Variants in DYSF observed in about 807,000 individuals in gnomAD.
The protein encoded by DYSF is dystrophy-associated fer-1-like 1.
A neutral mutation model predicts 274.9 loss-of-function variants in DYSF; 212 were observed. The ratio of observed to expected loss-of-function variants is 0.77; its 90% CI spans 0.69 to 0.86. DYSF has a LOEUF of 0.86. DYSF is among the 40% of genes least tolerant of loss of function. The pLI is 0.00. For missense variants in DYSF, 2,666 were observed against 2,783.2 expected, an observed-to-expected ratio of 0.96 and a Z score of 0.95; for synonymous variants, 1,091 against 1,078.7, an observed-to-expected ratio of 1.01 and a Z score of -0.22.
At chr2:71,639,871 A>G (rs1042806669) in intron 41 of DYSF, among the ~76,000 whole-genome samples, 11 of 152,240 alleles carry the variant, frequency 7.2e-5, no homozygotes, top group African/African-American at 2.7e-4. Flanking sequence ...CTCTTGGCCA[A>G]GAAGCTAACC....
chr2:71,626,399 T>A (rs1221468205), intron 41 of DYSF, among the ~76,000 whole-genome samples: 1 of 150,502 alleles, frequency 6.6e-6, no homozygotes, highest in Admixed American at 6.6e-5. Context: ...AACCTGTTAA[T>A]GTAGTGAATT....
At chr2:71,600,177 G>A (rs188902776) in intron 33 of DYSF, among the ~76,000 whole-genome samples, 119 of 152,344 alleles carry the variant, frequency 7.8e-4, no homozygotes, top group African/African-American at 2.7e-3. Context: ...GCGGCAGGGA[G>A]TTAAGGAAAG....
rs754784694 is a variant in DYSF at position 71,513,332 on chromosome 2, G to A, written c.553G>A (p.Asp185Asn). Residue 185 changes from aspartate to asparagine, a missense_variant and splice_region_variant, in exon 6 of 56, where the codon GAC (aspartate) becomes AAC (asparagine). By Grantham distance (23) the Asp-to-Asn change is conservative. Coordinates refer to ENST00000410020, the MANE Select transcript of DYSF (RefSeq NM_001130987.2). ...YSGKKWPAPT[D>N]TGGEEDTEDQ... ...TGGAAAGAAGTGGCCGGCCCCCACG[G>A]GTGAGACACGGGCCAGGACTGTCCT... 10 of 1,551,560 alleles carry A rather than the reference G, an allele frequency of 6.4e-6. No individual in the cohort carries two copies. In the South Asian group the frequency reaches 1.1e-4, roughly 17 times the overall value.
intron 12 of DYSF, among the ~76,000 whole-genome samples, chr2:71,525,942 G>A (rs2087840481): frequency 6.6e-6 from 1 of 152,150 alleles, no homozygotes; most frequent in Non-Finnish European, 1.5e-5. Flanking sequence ...TGAGGTTGGT[G>A]GAATGCTTGC....
At chr2:71,611,096 C>T (rs1398387830) in intron 36 of DYSF, 149 bp from the exon 37 acceptor site, 3 of 718,868 alleles carry the variant, frequency 4.2e-6, no homozygotes, top group Admixed American at 2.1e-5. Context: ...TTTTTCGTTT[C>T]TGCCTCCCTG....
chr2:71,600,291 A>G lies in DYSF; in HGVS notation c.3757-411A>G, dbSNP rs543330449. ...TTTCCCCATTTGCAAAGTGGGTGGG[A>G]ATTTAAGGGTGAAATGAGCAGGAGA... On this transcript the variant is annotated intron_variant, in intron 33 of 55. Coordinates refer to ENST00000410020, the MANE Select transcript of DYSF (RefSeq NM_001130987.2). Among the ~76,000 whole-genome samples the G allele has an allele frequency of 6.7e-4, 102 of 152,308 alleles. 1 individual carries two copies. Among genetic ancestry groups the G allele is most frequent in the South Asian group, 6.4e-3 (31 of 4,822 alleles).
intron 7 of DYSF, among the ~76,000 whole-genome samples, chr2:71,515,393 G>T (rs539414391): frequency 1.3e-5 from 2 of 152,322 alleles, no homozygotes; most frequent in South Asian, 2.1e-4. Flanking sequence ...GGTAGCCGAC[G>T]AGGGGCAGCC....
intron 7 of DYSF, among the ~76,000 whole-genome samples, chr2:71,514,147 TAAAAAA>T (rs5832057): frequency 8.0e-6 from 1 of 125,190 alleles, no homozygotes; most frequent in Non-Finnish European, 1.6e-5. Context: ...GTTTTGCGCT[TAAAAAA>T]AAAAAAAAAA....
At chr2:71,557,164 G>T (rs1367428112) in intron 22 of DYSF, among the ~76,000 whole-genome samples, 1 of 152,254 alleles carries the variant, frequency 6.6e-6, no homozygotes, top group Non-Finnish European at 1.5e-5. Context: ...GCCCTCCAGG[G>T]ATGGTTGGAT....
At chr2:71,642,293 C>G (rs1461041988) in intron 41 of DYSF, among the ~76,000 whole-genome samples, 1 of 152,120 alleles carries the variant, frequency 6.6e-6, no homozygotes, top group African/African-American at 2.4e-5. Context: ...TGCCTGTGTG[C>G]CAGTATGTGC....
chr2:71,574,207 G>A lies in DYSF; in HGVS notation c.3238G>A (p.Ala1080Thr). 6.2e-7 allele frequency: 1 copy of A among 1,613,328 alleles called. No individual in the cohort carries two copies. The highest frequency in any genetic ancestry group is 8.5e-7 in the Non-Finnish European group (1 of 1,179,890). Residue 1080 changes from alanine to threonine, a missense_variant, in exon 30 of 56, where the codon GCG becomes ACG. Ala to Thr is a moderately conservative substitution (Grantham distance 58, BLOSUM62 0). Around this residue, in one of 3 missense-constraint regions of DYSF, gnomAD observed 1,460 missense variants for 1,502.1 expected, o/e 0.97. Coordinates refer to ENST00000410020, the MANE Select transcript of DYSF (RefSeq NM_001130987.2). ...CCCTTCTCTTGTGCAGCACAGGCAG[G>A]CGGAGGCGGAGGGCGAGGGCTGGGA... ...QMEALKRHRQ[A>T]EAEGEGWEYA... is the part of the protein sequence containing the mutation.
At chr2:71,481,695 T>TATCCATCCATCCATCCATCCATCCATCC in intron 2 of DYSF, among the ~76,000 whole-genome samples, 184 bp from the exon 3 acceptor site, 1 of 124,496 alleles carries the variant, frequency 8.0e-6, no homozygotes, top group East Asian at 3.4e-4. Context: ...GGTCTTCATC[T>TATCCATCCATCCATCCATCCATCCATCC]ATCCATCCAT....
At chr2:71,555,343 G>C (rs1333680028) in intron 21 of DYSF, among the ~76,000 whole-genome samples, 1 of 152,262 alleles carries the variant, frequency 6.6e-6, no homozygotes, top group East Asian at 1.9e-4. Flanking sequence ...AGGCTGCTGG[G>C]TGGGGAGGGG....
intron 1 of DYSF, among the ~76,000 whole-genome samples, chr2:71,477,068 A>G (rs72896857): frequency 0.091 from 13,865 of 152,040 alleles, 916 homozygotes; most frequent in African/African-American, 0.18. Context: ...TGAAAGTGTT[A>G]CTCCCCCAAA....
At chr2:71,634,493 G>A (rs1326394415) in intron 41 of DYSF, among the ~76,000 whole-genome samples, 1 of 152,202 alleles carries the variant, frequency 6.6e-6, no homozygotes, top group Admixed American at 6.5e-5. Flanking sequence ...TCCCGGGGAA[G>A]AGAAGGGAGA....
intron 42 of DYSF, among the ~76,000 whole-genome samples, chr2:71,649,756 A>G (rs1307741671): frequency 6.6e-6 from 1 of 152,218 alleles, no homozygotes; most frequent in Non-Finnish European, 1.5e-5. Context: ...AAACAAGTAA[A>G]ACCAAGACCA....
In DYSF at chr2:71,540,837, CTTG is replaced by C. The variant is rs148916611; in HGVS notation, c.1576+1602_1576+1604del. On this transcript the variant is annotated intron_variant, in intron 17 of 55. Transcript: ENST00000410020. Reference sequence around the variant, plus strand: ...CCTGTCATTTATGTAGTAAATAATTCTTGTTGGCTTTATTTTACCAATTAATAG... The same window carrying C: ...CCTGTCATTTATGTAGTAAATAATTCTTGGCTTTATTTTACCAATTAATAG... 3.8e-3 allele frequency among the ~76,000 whole-genome samples: 580 copies of C among 151,984 alleles called. 4 individuals carry two copies. The highest frequency in any genetic ancestry group is 0.013 in the African/African-American group (560 of 41,518).
In DYSF at chr2:71,569,839, G is replaced by A. The variant is rs535367520; in HGVS notation, c.2884G>A (p.Ala962Thr). 2.4e-5 allele frequency: 39 copies of A among 1,614,006 alleles called. No homozygotes were observed. The South Asian group carries it at 2.7e-4, about 11-fold the overall frequency. Residue 962 changes from alanine (A) to threonine (T), a missense_variant, in exon 27 of 56, where the codon GCC (alanine) becomes ACC (threonine). Ala to Thr is a moderately conservative substitution (Grantham distance 58). Transcript: ENST00000410020. The stretch of plus-strand genomic sequence containing the variant: ...CCACAGTCTGCTCCATGACATGGAC[G>A]CCGGTCACCTGAGCTTCGTGGAAGA... The part of the protein sequence containing the change: ...PEKTLLHDMD[A>T]GHLSFVEEVF...
chr2:71,674,068 G>A, intron 51 of DYSF, 129 bp from the exon 52 acceptor site: 1 of 790,352 alleles, frequency 1.3e-6, no homozygotes, highest in Non-Finnish European at 2.2e-6. Context: ...ACAGGACCTG[G>A]CTCTGGCAGG....
Sources: gnomAD v4.1 joint callset for allele counts (sites outside exome capture counted in the v4.1 genomes callset) on GRCh38, gnomAD v4.1.1 for gene constraint, gnomAD v4.1.1 regional missense constraint, MANE v1.5 for transcripts, NCBI Gene and HGNC (gene_info 2026-07-23, HGNC 2026-07-21) for gene names.